Variants in GLB1L2 observed in about 807,000 individuals in gnomAD.
GLB1L2 encodes galactosidase beta 1 like 2.
In GLB1L2, 68 loss-of-function variants were observed where a neutral mutation model predicts 84.1. The ratio of observed to expected loss-of-function variants is 0.81; its 90% CI spans 0.67 to 0.99. The LOEUF (loss-of-function observed/expected upper bound fraction) is 0.99. Ranked by LOEUF, GLB1L2 falls within the 50% of genes least tolerant of loss-of-function variation. The probability of loss-of-function intolerance (pLI) is 0.00; values close to 1 mark genes in which losing one functional copy is unlikely to be tolerated. For missense variants in GLB1L2, 762 were observed against 805.6 expected, an observed-to-expected ratio of 0.95 and a Z score of 0.66; for synonymous variants, 290 against 318.0, an observed-to-expected ratio of 0.91 and a Z score of 0.94.
Position 134,374,243 on chromosome 11 carries a change from T to C in GLB1L2, c.1694T>C (p.Phe565Ser). ...ATCAGCTCCACCCCTTGTGACACCT[T>C]TCTGAAGCTGGAGGTTGGTAACGCC... The part of the protein sequence containing the change: ...LSISSTPCDT[F>S]LKLEGWEKGV... Residue 565 changes from phenylalanine (F) to serine (S), a missense_variant, in exon 17 of 19, where the codon TTT becomes TCT. Physicochemically the swap from Phe to Ser is radical, Grantham distance 155. Around this residue, in one of 3 missense-constraint regions of GLB1L2, gnomAD observed 603 missense variants for 611.7 expected, o/e 0.99. Coordinates refer to ENST00000535456, the MANE Select transcript of GLB1L2 (RefSeq NM_001370461.1). The C allele has an allele frequency of 1.2e-6, 2 of 1,610,476 alleles. No homozygotes were observed. The highest frequency in any genetic ancestry group is 2.2e-5 in the East Asian group (1 of 44,852).
At position 134,334,057 on chromosome 11, in the gene GLB1L2, A is replaced by G. The variant is rs1402487313; in HGVS notation, c.86+1910A>G. ...ACACCAGTGAGTATGAGTTGCTGTA[A>G]TATCTCTGGAGGCAGGAGGAGAACA... On this transcript the variant is annotated intron_variant, in intron 1 of 18. Coordinates refer to ENST00000535456, the MANE Select transcript of GLB1L2 (RefSeq NM_001370461.1). The surrounding 1 kb of genome is among the most constrained non-coding windows in gnomAD (Gnocchi z 4.1). Among the ~76,000 whole-genome samples, 2 of 152,108 alleles carry G rather than the reference A, an allele frequency of 1.3e-5. No homozygotes were observed. The highest frequency in any genetic ancestry group is 4.8e-5 in the African/African-American group (2 of 41,392).
Position 134,357,258 on chromosome 11 carries a change from C to T in GLB1L2, c.651+865C>T, listed in dbSNP as rs571160947. Among the ~76,000 whole-genome samples the T allele has an allele frequency of 1.2e-4, 18 of 152,358 alleles. No individual in the cohort carries two copies. The South Asian group carries it at 3.1e-3, about 26-fold the overall frequency. On this transcript the variant is annotated intron_variant, in intron 6 of 18. Transcript: ENST00000535456. Reference sequence around the variant, plus strand: ...CTGCTACGACGTGCAGAGCATTTTCCGTCTGGAAATTAATTCAGTCCCTCC... The same window carrying T: ...CTGCTACGACGTGCAGAGCATTTTCTGTCTGGAAATTAATTCAGTCCCTCC...
At chr11:134,333,846 C>A (rs528948161) in intron 1 of GLB1L2, among the ~76,000 whole-genome samples, 1 of 152,256 alleles carries the variant, frequency 6.6e-6, no homozygotes, top group South Asian at 2.1e-4. Context: ...GTTTGGCCTG[C>A]CTGGGAAGGA....
intron 5 of GLB1L2, among the ~76,000 whole-genome samples, chr11:134,354,149 AT>A (rs61597858): frequency 0.024 from 3,636 of 151,718 alleles, 148 homozygotes; most frequent in African/African-American, 0.082. Flanking sequence ...TATCTAGTTG[AT>A]TTTTTTATAG....
chr11:134,359,028 G>T (rs1943744632), intron 6 of GLB1L2, 32 bp from the exon 7 acceptor site: 1 of 1,519,206 alleles, frequency 6.6e-7, no homozygotes, highest in Admixed American at 1.9e-5. Context: ...AGGAGCCAGG[G>T]CAGACGAGGG....
chr11:134,336,864 G>T (rs1423391633), intron 1 of GLB1L2, among the ~76,000 whole-genome samples: 2 of 152,190 alleles, frequency 1.3e-5, no homozygotes, highest in Non-Finnish European at 2.9e-5. Context: ...TAGAGGCCTT[G>T]TGTTATCTAA....
intron 1 of GLB1L2, among the ~76,000 whole-genome samples, chr11:134,332,874 T>C (rs1435972400): frequency 6.6e-6 from 1 of 152,212 alleles, no homozygotes; most frequent in East Asian, 1.9e-4. Flanking sequence ...TTTTCTAAAC[T>C]GTGCTTATTT....
intron 8 of GLB1L2, 52 bp downstream of exon 8, chr11:134,364,450 G>A: frequency 1.4e-6 from 2 of 1,388,504 alleles, no homozygotes; most frequent in East Asian, 4.6e-5. Flanking sequence ...CGGCCTATGG[G>A]AATTCTGAAT....
chr11:134,347,211 C>T (rs554547778), intron 4 of GLB1L2, 114 bp from the exon 5 acceptor site: 26 of 803,362 alleles, frequency 3.2e-5, no homozygotes, highest in Admixed American at 8.7e-5. Flanking sequence ...TGGAGGAGGG[C>T]ACAGGTCATT....
chr11:134,359,212 G>T (rs529259686), intron 7 of GLB1L2, 71 bp downstream of exon 7: 185 of 1,045,448 alleles, frequency 1.8e-4, no homozygotes, highest in Admixed American at 7.2e-4. Context: ...TCCCGCTGTG[G>T]GACTGCGACC....
chr11:134,368,925 G>A, intron 10 of GLB1L2, 144 bp downstream of exon 10: 1 of 836,598 alleles, frequency 1.2e-6, no homozygotes, highest in African/African-American at 1.7e-5. Context: ...TGCCTGGACA[G>A]TCATGTTACA....
rs776244621 is a variant in GLB1L2, at chr11:134,369,831, G to A, written c.1054G>A (p.Gly352Ser). Reference protein sequence around the residue: ...YDYDAVLTEAGDYTAKYMKLR... With the variant: ...YDYDAVLTEASDYTAKYMKLR... ...CTATGATGCTGTGCTGACAGAAGCC[G>A]GCGATTACACGGCCAAGTACATGAA... Residue 352 changes from glycine (G) to serine (S), a missense_variant, in exon 11 of 19, where the codon GGC (glycine) becomes AGC (serine). Physicochemically the swap from Gly to Ser is moderately conservative, Grantham distance 56 (BLOSUM62 0). Transcript: ENST00000535456. The A allele has an allele frequency of 3.6e-5, 58 of 1,613,272 alleles. No individual in the cohort carries two copies. The highest frequency in any genetic ancestry group is 3.0e-4 in the South Asian group (27 of 91,070).
At chr11:134,373,874 G>C in intron 16 of GLB1L2, 66 bp downstream of exon 16, 1 of 1,193,202 alleles carries the variant, frequency 8.4e-7, no homozygotes, top group South Asian at 1.3e-5. Flanking sequence ...GGGCCCAGGG[G>C]TCCCTGGTGC....
chr11:134,368,149 C>T (rs1459291810), intron 9 of GLB1L2, among the ~76,000 whole-genome samples: 1 of 152,212 alleles, frequency 6.6e-6, no homozygotes, highest in Non-Finnish European at 1.5e-5. Flanking sequence ...ATTGTTTAGT[C>T]TGCATTTCTT....
rs1000679935 is a variant in GLB1L2 at position 134,359,037 on chromosome 11, G to A, written c.652-23G>A. 4 of 1,557,010 alleles carry A rather than the reference G, an allele frequency of 2.6e-6. No individual in the cohort carries two copies. In the African/African-American group the frequency reaches 4.1e-5, roughly 16 times the overall value. ...GCTCTAAGGAGCCAGGGCAGACGAG[G>A]GCTTGTCTCATTTCCCCCACAGGCA... On this transcript the variant is annotated intron_variant, in intron 6 of 18. Coordinates refer to ENST00000535456, the MANE Select transcript of GLB1L2 (RefSeq NM_001370461.1).
intron 5 of GLB1L2, among the ~76,000 whole-genome samples, chr11:134,352,813 G>T (rs1943651745): frequency 6.6e-6 from 1 of 151,800 alleles, no homozygotes; most frequent in Non-Finnish European, 1.5e-5. Context: ...ACGCCCGGCT[G>T]ATATTTGTAT....
rs1443665364 is a variant in GLB1L2 at position 134,334,670 on chromosome 11, C to T, written c.86+2523C>T. ...CCTCCCTCCTACTCCTCCCTGCTCC[C>T]CAGCCCCAAGCAACCACTGATCTGT... On this transcript the variant is annotated intron_variant, in intron 1 of 18. Coordinates refer to ENST00000535456, the MANE Select transcript of GLB1L2 (RefSeq NM_001370461.1). This position sits in a 1 kb window ranked among gnomAD's most constrained non-coding sequence, Gnocchi z 4.1. Among the ~76,000 whole-genome samples the T allele has an allele frequency of 1.3e-5, 2 of 152,132 alleles. No individual in the cohort carries two copies. Among genetic ancestry groups the T allele is most frequent in the Non-Finnish European group, 1.5e-5 (1 of 68,024 alleles).
chr11:134,347,355 G>A lies in GLB1L2; in HGVS notation c.480G>A (p.Leu160=). Residue 160 remains leucine (L), a synonymous_variant, in exon 5 of 19, where the codon CTG becomes CTA. Coordinates refer to ENST00000535456, the MANE Select transcript of GLB1L2 (RefSeq NM_001370461.1). ...SWLLQDPGMR[L]RTTYKGFTEA... is the part of the protein sequence containing the mutation. ...TACTCCAAGACCCTGGCATGAGGCT[G>A]AGGACAACTTACAAGGGCTTCACCG... The A allele has an allele frequency of 6.2e-7, 1 of 1,614,180 alleles. No individual in the cohort carries two copies. Among genetic ancestry groups the A allele is most frequent in the Non-Finnish European group, 8.5e-7 (1 of 1,180,000 alleles).
At chr11:134,365,567 A>G (rs185255568) in intron 8 of GLB1L2, among the ~76,000 whole-genome samples, 88 of 152,298 alleles carry the variant, frequency 5.8e-4, no homozygotes, top group African/African-American at 2.0e-3. Context: ...GGGTTGTTTG[A>G]AGATTAAATG....
Sources: gnomAD v4.1 joint callset for allele counts (sites outside exome capture counted in the v4.1 genomes callset) on GRCh38, gnomAD v4.1.1 for gene constraint, gnomAD v4.1.1 regional missense constraint, Gnocchi (gnomAD v3.1) non-coding constraint, MANE v1.5 for transcripts, NCBI Gene and HGNC (gene_info 2026-07-23, HGNC 2026-07-21) for gene names.